Variants in HDAC9 observed in about 807,000 individuals in gnomAD.
The protein encoded by HDAC9 is histone deacetylase 9.
Under a neutral mutation model 139.4 loss-of-function variants are expected in HDAC9, and 41 were observed. The ratio of observed to expected loss-of-function variants is 0.29; its 90% confidence interval spans 0.23 to 0.38. HDAC9 has a LOEUF of 0.38. HDAC9 is among the 10% of genes least tolerant of loss of function. The pLI, the probability that HDAC9 is intolerant of heterozygous loss-of-function variation, is 1.00. For missense variants in HDAC9, 1,147 were observed against 1,297.0 expected (o/e 0.88, Z 1.78); for synonymous variants, 517 against 476.2 (o/e 1.09, Z -1.12).
At chr7:18,256,286 G>C (rs980029954) in intron 2 of HDAC9, among the ~76,000 whole-genome samples, 5 of 152,124 alleles carry the variant, frequency 3.3e-5, no homozygotes, top group African/African-American at 1.2e-4. Flanking sequence ...AACACACAAA[G>C]ATATAAAACC....
At chr7:18,541,477 G>T (rs912331713) in intron 2 of HDAC9, among the ~76,000 whole-genome samples, 2 of 152,080 alleles carry the variant, frequency 1.3e-5, no homozygotes, top group African/African-American at 4.8e-5. Flanking sequence ...GGGCTCAACT[G>T]TCTCTCTAAT....
intron 2 of HDAC9, among the ~76,000 whole-genome samples, chr7:18,522,649 C>A (rs1369393621): frequency 6.6e-6 from 1 of 150,450 alleles, no homozygotes; most frequent in Non-Finnish European, 1.5e-5. Flanking sequence ...GCAAACAAAC[C>A]AAACATGCCT....
At chr7:18,172,756 C>T (rs1788551470) in intron 2 of HDAC9, among the ~76,000 whole-genome samples, 2 of 152,128 alleles carry the variant, frequency 1.3e-5, no homozygotes, top group Admixed American at 6.6e-5. Flanking sequence ...TGTAGTTGTG[C>T]AGTTTTGAGT....
At chr7:18,699,363 T>C (rs1040915178) in intron 12 of HDAC9, among the ~76,000 whole-genome samples, 2 of 151,916 alleles carry the variant, frequency 1.3e-5, no homozygotes, top group African/African-American at 4.8e-5. Context: ...TGTAGGTGTG[T>C]CTGTGTGTGT....
intron 25 of HDAC9, 50 bp from the exon 26 acceptor site, chr7:18,995,973 G>A: frequency 7.0e-7 from 1 of 1,423,404 alleles, no homozygotes; most frequent in Non-Finnish European, 9.7e-7. Context: ...AATCTACAAT[G>A]TCATTGTGTA....
chr7:18,301,858 A>G (rs914150190), intron 1 of HDAC9, among the ~76,000 whole-genome samples: 2 of 152,200 alleles, frequency 1.3e-5, no homozygotes, highest in Non-Finnish European at 2.9e-5. Context: ...TGAAGTCTTA[A>G]TACACCTGTG....
intron 1 of HDAC9, among the ~76,000 whole-genome samples, chr7:18,363,750 G>T (rs1259144391): frequency 6.6e-6 from 1 of 152,094 alleles, no homozygotes; most frequent in Non-Finnish European, 1.5e-5. Context: ...AGAGACAAAC[G>T]GGGACATTAC....
intron 13 of HDAC9, among the ~76,000 whole-genome samples, chr7:18,747,143 C>T (rs1336789497): frequency 6.6e-6 from 1 of 152,034 alleles, no homozygotes; most frequent in Non-Finnish European, 1.5e-5. Context: ...AAATAGAGAA[C>T]AAAAGAGGGA....
chr7:18,526,239 G>T (rs543941879), intron 2 of HDAC9, among the ~76,000 whole-genome samples: 1 of 152,094 alleles, frequency 6.6e-6, no homozygotes, highest in Non-Finnish European at 1.5e-5. Context: ...GAGAATTCTT[G>T]TGTCTTAAAT....
intron 2 of HDAC9, among the ~76,000 whole-genome samples, chr7:18,244,508 A>G (rs1039948440): frequency 2.0e-5 from 3 of 152,156 alleles, no homozygotes; most frequent in African/African-American, 7.2e-5. Flanking sequence ...TTGCTTAGTA[A>G]GATGTTGCGG....
intron 21 of HDAC9, among the ~76,000 whole-genome samples, chr7:18,867,862 C>G (rs1798611881): frequency 6.6e-6 from 1 of 152,028 alleles, no homozygotes; most frequent in African/African-American, 2.4e-5. Context: ...TATACTTTAC[C>G]TATTTGCTTC....
chr7:18,182,089 C>T (rs1055142481), intron 2 of HDAC9, among the ~76,000 whole-genome samples: 2 of 152,110 alleles, frequency 1.3e-5, no homozygotes, highest in Non-Finnish European at 2.9e-5. Context: ...TCATGGCTGG[C>T]AGCAGGGCCC....
chr7:18,134,217 C>T (rs1352197184), intron 1 of HDAC9, among the ~76,000 whole-genome samples: 1 of 152,090 alleles, frequency 6.6e-6, no homozygotes, highest in African/African-American at 2.4e-5. Flanking sequence ...CTTGGTATTT[C>T]AGAGACTAAA....
At position 18,218,913 on chromosome 7, in the gene HDAC9, A is replaced by T. The variant is rs116765507; in HGVS notation, c.25+56564A>T. Among the ~76,000 whole-genome samples, 935 of 152,250 alleles carry T rather than the reference A, an allele frequency of 6.1e-3. 10 individuals are homozygous for T. Among genetic ancestry groups the T allele is most frequent in the African/African-American group, 0.021 (878 of 41,548 alleles). ...ATCTCCTGCCATTTACCTAAAATAG[A>T]TTCCTAGAAATGTTACTCCTGGGTC... On this transcript the variant is annotated intron_variant, in intron 2 of 12. Transcript: ENST00000417496.
intron 2 of HDAC9, among the ~76,000 whole-genome samples, chr7:18,517,016 A>C (rs1028615518): frequency 2.0e-5 from 3 of 152,166 alleles, no homozygotes; most frequent in African/African-American, 7.2e-5. Flanking sequence ...GGCAACAACA[A>C]CAACCACCAC....
chr7:18,375,518 G>T (rs997726360), intron 1 of HDAC9, among the ~76,000 whole-genome samples: 1 of 151,970 alleles, frequency 6.6e-6, no homozygotes, highest in Non-Finnish European at 1.5e-5. Context: ...TATATAATGC[G>T]GTTGGTATAT....
chr7:18,789,721 T>G (rs1474598669), intron 16 of HDAC9, among the ~76,000 whole-genome samples: 1 of 152,184 alleles, frequency 6.6e-6, no homozygotes, highest in Non-Finnish European at 1.5e-5. Context: ...ATCCTGCATA[T>G]CTGTATGCAT....
chr7:18,278,887 T>A (rs1796917491), intron 2 of HDAC9, among the ~76,000 whole-genome samples: 2 of 152,232 alleles, frequency 1.3e-5, no homozygotes, highest in Admixed American at 1.3e-4. Context: ...AATATTCTAT[T>A]GAACATTCTA....
chr7:18,097,245 G>T (rs1472144460), intron 1 of HDAC9, among the ~76,000 whole-genome samples: 1 of 152,120 alleles, frequency 6.6e-6, no homozygotes, highest in Non-Finnish European at 1.5e-5. Context: ...ATTGGATGTT[G>T]TTATTTGATT....
Sources: gnomAD v4.1 joint callset for allele counts (sites outside exome capture counted in the v4.1 genomes callset) on GRCh38, gnomAD v4.1.1 for gene constraint, MANE v1.5 for transcripts, NCBI Gene and HGNC (gene_info 2026-07-23, HGNC 2026-07-21) for gene names.